AKR1C8: variants seen among roughly 807,000 people sequenced by gnomAD.
AKR1C8 encodes the protein aldo-keto reductase family 1 member C8.
At chr10:5,171,039 A>T in the AKR1C8 span, among the ~76,000 whole-genome samples, 1 of 152,126 alleles carries the variant, frequency 6.6e-6, no homozygotes, top group Admixed American at 6.5e-5. Flanking sequence ...TTTAAGCAAA[A>T]TGTTAAAAAG....
At chr10:5,139,241 A>T in the AKR1C8 span, among the ~76,000 whole-genome samples, 1 of 152,216 alleles carries the variant, frequency 6.6e-6, no homozygotes, top group Non-Finnish European at 1.5e-5. Context: ...TAATTTATAG[A>T]TTCAATGCCA....
At chr10:5,164,664 C>G in the AKR1C8 span, among the ~76,000 whole-genome samples, 1 of 152,112 alleles carries the variant, frequency 6.6e-6, no homozygotes, top group Admixed American at 6.5e-5. Context: ...AAGAGGACTT[C>G]GTCAATGCCC....
At chr10:5,126,184 G>A in the AKR1C8 span, among the ~76,000 whole-genome samples, 2 of 152,212 alleles carry the variant, frequency 1.3e-5, no homozygotes, top group South Asian at 4.1e-4. Context: ...GTCCATCAAT[G>A]CAGACATAGC....
At chr10:5,178,081 A>T in the AKR1C8 span, among the ~76,000 whole-genome samples, 1 of 151,962 alleles carries the variant, frequency 6.6e-6, no homozygotes, top group Admixed American at 6.6e-5. Flanking sequence ...TAGGGTGTCA[A>T]TTTTAGATCT....
the AKR1C8 span, among the ~76,000 whole-genome samples, chr10:5,174,808 C>T: frequency 1.2e-4 from 18 of 151,838 alleles, no homozygotes; most frequent in African/African-American, 3.9e-4. Flanking sequence ...GAATAAAAGA[C>T]TGTCTTAAAT....
the AKR1C8 span, among the ~76,000 whole-genome samples, chr10:5,180,843 C>T: frequency 2.0e-5 from 3 of 152,284 alleles, no homozygotes; most frequent in Admixed American, 6.5e-5. Flanking sequence ...GTCGGAAAAG[C>T]GCGGTATTAG....
chr10:5,164,850 G>A, the AKR1C8 span, among the ~76,000 whole-genome samples: 135 of 152,306 alleles, frequency 8.9e-4, 3 homozygotes, highest in East Asian at 0.023. Flanking sequence ...CCAACAGCCT[G>A]TCAGGGCTTT....
At chr10:5,119,640 G>T in the AKR1C8 span, among the ~76,000 whole-genome samples, 1 of 152,084 alleles carries the variant, frequency 6.6e-6, no homozygotes, top group Non-Finnish European at 1.5e-5. Flanking sequence ...AAGTGAAGAA[G>T]TGAAAGGCAG....
At chr10:5,178,631 C>T in the AKR1C8 span, among the ~76,000 whole-genome samples, 1 of 152,182 alleles carries the variant, frequency 6.6e-6, no homozygotes, top group Non-Finnish European at 1.5e-5. Flanking sequence ...CTTTGTAGGT[C>T]ACTCAGGACT....
the AKR1C8 span, among the ~76,000 whole-genome samples, chr10:5,150,419 T>C: frequency 1.3e-5 from 2 of 151,980 alleles, no homozygotes; most frequent in Admixed American, 6.6e-5. Flanking sequence ...TACTAAGATA[T>C]ATCAGAATTA....
chr10:5,122,290 G>T, the AKR1C8 span: 117 of 197,902 alleles, frequency 5.9e-4, no homozygotes, highest in Non-Finnish European at 1.0e-3. Flanking sequence ...TATCCTCATC[G>T]GCTTCCAGGT....
At chr10:5,180,832 CG>C in the AKR1C8 span, among the ~76,000 whole-genome samples, 1 of 152,190 alleles carries the variant, frequency 6.6e-6, no homozygotes, top group Non-Finnish European at 1.5e-5. Context: ...TTTTTAAGCC[CG>C]TCGGAAAAGC....
At chr10:5,165,472 A>G in the AKR1C8 span, among the ~76,000 whole-genome samples, 2 of 152,094 alleles carry the variant, frequency 1.3e-5, no homozygotes, top group East Asian at 1.9e-4. Flanking sequence ...TCCCTTCTAT[A>G]TCCCTCTAAT....
At chr10:5,147,551 G>A in the AKR1C8 span, among the ~76,000 whole-genome samples, 1 of 152,082 alleles carries the variant, frequency 6.6e-6, no homozygotes, top group Admixed American at 6.6e-5. Context: ...AAAAAAAATG[G>A]TGTGGGTAAA....
the AKR1C8 span, among the ~76,000 whole-genome samples, chr10:5,121,832 G>C: frequency 6.6e-6 from 1 of 152,058 alleles, no homozygotes; most frequent in Non-Finnish European, 1.5e-5. Flanking sequence ...TAGGACCCAG[G>C]CACAGGTAGT....
chr10:5,123,277 C>T, the AKR1C8 span: 64,311 of 226,840 alleles, frequency 0.28, 10,442 homozygotes, highest in Non-Finnish European at 0.34. Flanking sequence ...GCCTCACCTG[C>T]ATGTTCTCTC....
the AKR1C8 span, among the ~76,000 whole-genome samples, chr10:5,164,492 GT>G: frequency 1.3e-5 from 2 of 152,042 alleles, no homozygotes; most frequent in Admixed American, 6.6e-5. Context: ...TGGTGCATGG[GT>G]TGGGAATGGG....
the AKR1C8 span, among the ~76,000 whole-genome samples, chr10:5,153,658 G>T: frequency 6.6e-6 from 1 of 152,116 alleles, no homozygotes; most frequent in Non-Finnish European, 1.5e-5. Context: ...CAGAGCAGCA[G>T]GAAGAGAGTG....
At chr10:5,144,563 G>T in the AKR1C8 span, among the ~76,000 whole-genome samples, 2 of 151,216 alleles carry the variant, frequency 1.3e-5, no homozygotes, top group Non-Finnish European at 3.0e-5. Context: ...GCAGTGGTTT[G>T]TAGTTCTCCT....
Sources: allele counts gnomAD v4.1 joint callset (sites outside exome capture counted in the v4.1 genomes callset), GRCh38; gene constraint gnomAD v4.1.1; transcripts MANE v1.5; gene names NCBI Gene and HGNC (gene_info 2026-07-23, HGNC 2026-07-21).